The following VWA8 variants were observed in gnomAD, a reference collection of about 807,000 sequenced individuals.
VWA8 encodes von Willebrand factor A domain containing 8.
A neutral mutation model predicts 241.5 loss-of-function variants in VWA8; 221 were observed. The ratio of observed to expected loss-of-function variants is 0.91; its 90% CI spans 0.82 to 1.02. The LOEUF (loss-of-function observed/expected upper bound fraction) is 1.02. Ranked by LOEUF, VWA8 falls within the 50% of genes least tolerant of loss-of-function variation. VWA8 has a pLI of 0.00. For missense variants in VWA8, 2,322 were observed against 2,328.7 expected, an observed-to-expected ratio of 1.00 and a Z score of 0.06; for synonymous variants, 852 against 827.1, an observed-to-expected ratio of 1.03 and a Z score of -0.52.
At chr13:41,939,477 T>C (rs540426071) in intron 2 of VWA8, among the ~76,000 whole-genome samples, 1 of 151,684 alleles carries the variant, frequency 6.6e-6, no homozygotes, top group Admixed American at 6.6e-5. Context: ...AAGACCTAGA[T>C]CATAAAAAAA....
At chr13:41,701,870 A>C (rs1398415566) in intron 27 of VWA8, among the ~76,000 whole-genome samples, 1 of 152,236 alleles carries the variant, frequency 6.6e-6, no homozygotes, top group Non-Finnish European at 1.5e-5. Context: ...AGAGCTGTCC[A>C]AACCAGGAGA....
At chr13:41,944,187 C>T (rs144333943) in intron 2 of VWA8, among the ~76,000 whole-genome samples, 46 of 151,444 alleles carry the variant, frequency 3.0e-4, no homozygotes, top group Non-Finnish European at 5.9e-4. Flanking sequence ...AGAGTAAGGA[C>T]CTCTGAAAAT....
intron 40 of VWA8, among the ~76,000 whole-genome samples, chr13:41,592,714 T>C (rs1367913689): frequency 6.8e-6 from 1 of 146,032 alleles, no homozygotes; most frequent in Non-Finnish European, 1.5e-5. Flanking sequence ...TAAAAGCCCT[T>C]CTCTGTTAAT....
intron 4 of VWA8, among the ~76,000 whole-genome samples, chr13:41,898,233 T>A (rs1193932500): frequency 6.6e-6 from 1 of 150,580 alleles, no homozygotes; most frequent in Non-Finnish European, 1.5e-5. Flanking sequence ...AGATACAGAG[T>A]GTCGATTGGT....
At chr13:41,778,224 A>G (rs544040068) in intron 19 of VWA8, among the ~76,000 whole-genome samples, 168 bp from the exon 20 acceptor site, 1 of 152,250 alleles carries the variant, frequency 6.6e-6, no homozygotes, top group African/African-American at 2.4e-5. Context: ...AAATTATATA[A>G]CCATTTAGGT....
chr13:41,748,384 G>T (rs552953829), intron 21 of VWA8, among the ~76,000 whole-genome samples: 2 of 152,082 alleles, frequency 1.3e-5, no homozygotes, highest in Non-Finnish European at 2.9e-5. Context: ...GTTTATTTGC[G>T]TAGAGGTGTT....
chr13:41,800,631 AC>A (rs1353897210), intron 17 of VWA8, among the ~76,000 whole-genome samples: 4 of 48,174 alleles, frequency 8.3e-5, no homozygotes, highest in Admixed American at 3.2e-4. Context: ...TACTAAAAAT[AC>A]AAAAAAAAAA....
In VWA8 at chr13:41,925,284, AAAG is replaced by A. The variant is rs528082824; in HGVS notation, c.242-13119_242-13117del. 2.4e-4 allele frequency among the ~76,000 whole-genome samples: 36 copies of A among 152,358 alleles called. 2 individuals carry two copies. The East Asian group carries it at 6.0e-3, about 25-fold the overall frequency. ...TCAGGGAGTTCTTCAAGTGGAAATA[AAAG>A]AATGGTCATTAATATTATGAGTACA... On this transcript the variant is annotated intron_variant, in intron 2 of 44. Transcript: ENST00000379310.
chr13:41,804,786 GTGT>G (rs1449000404), intron 17 of VWA8, among the ~76,000 whole-genome samples: 2 of 152,136 alleles, frequency 1.3e-5, no homozygotes, highest in Non-Finnish European at 2.9e-5. Flanking sequence ...CAAAGTTAGA[GTGT>G]AGAGTTTTTA....
chr13:41,924,492 CAG>C (rs911642586), intron 2 of VWA8, among the ~76,000 whole-genome samples: 1 of 151,792 alleles, frequency 6.6e-6, no homozygotes, highest in Admixed American at 6.6e-5. Flanking sequence ...AAAAAGAAAA[CAG>C]AGTGAAAAAG....
chr13:41,611,717 G>C lies in VWA8; in HGVS notation c.4736C>G (p.Ala1579Gly). The C allele has an allele frequency of 6.2e-7, 1 of 1,613,950 alleles. No homozygotes were observed. Residue 1579 changes from alanine to glycine, a missense_variant, in exon 39 of 45, where the codon GCA becomes GGA. Ala to Gly is a moderately conservative substitution (Grantham distance 60). Transcript: ENST00000379310. ...WAGGTGGRDT[A>G]GLGGKGGPYR... is the part of the protein sequence containing the mutation. Reference sequence around the variant, plus strand: ...AGGGCCTCCTTTGCCACCCAGGCCTGCCGTGTCTCTTCCCCCTGGAAGGAA... The same window carrying C: ...AGGGCCTCCTTTGCCACCCAGGCCTCCCGTGTCTCTTCCCCCTGGAAGGAA...
chr13:41,582,254 C>CA (rs895862548), intron 42 of VWA8, among the ~76,000 whole-genome samples: 3 of 152,104 alleles, frequency 2.0e-5, no homozygotes, highest in African/African-American at 7.2e-5. Flanking sequence ...TAGCACAGGT[C>CA]ATGATAATGT....
chr13:41,706,189 G>A (rs549917944), intron 26 of VWA8, among the ~76,000 whole-genome samples: 10 of 152,088 alleles, frequency 6.6e-5, no homozygotes, highest in Non-Finnish European at 1.5e-4. Context: ...ACAATGCCAG[G>A]CATGTTCATA....
chr13:41,957,404 C>T (rs1283535936), intron 1 of VWA8, among the ~76,000 whole-genome samples: 1 of 152,170 alleles, frequency 6.6e-6, no homozygotes, highest in Non-Finnish European at 1.5e-5. Flanking sequence ...CATGAAACCT[C>T]TTTTTCTTCA....
intron 12 of VWA8, among the ~76,000 whole-genome samples, chr13:41,842,549 T>TA (rs1229804092): frequency 6.6e-6 from 1 of 152,214 alleles, no homozygotes; most frequent in African/African-American, 2.4e-5. Flanking sequence ...CTGCTTTAGT[T>TA]AAAGATTTAT....
chr13:41,895,980 A>G (rs1187918078), intron 4 of VWA8, among the ~76,000 whole-genome samples: 1 of 151,968 alleles, frequency 6.6e-6, no homozygotes, highest in Non-Finnish European at 1.5e-5. Context: ...TCCTTTAATA[A>G]TCCATTAGAC....
At chr13:41,882,144 G>A (rs1305932536) in intron 9 of VWA8, among the ~76,000 whole-genome samples, 1 of 151,292 alleles carries the variant, frequency 6.6e-6, no homozygotes, top group African/African-American at 2.4e-5. Flanking sequence ...GCCGGGTGGA[G>A]GTGCTCCTCA....
At chr13:41,767,052 G>T (rs111480051) in intron 20 of VWA8, among the ~76,000 whole-genome samples, 2,111 of 152,188 alleles carry the variant, frequency 0.014, 46 homozygotes, top group African/African-American at 0.048. Context: ...CAGCTTTCTT[G>T]CATGTTCTCT....
At chr13:41,603,298 T>C (rs2044533314) in intron 40 of VWA8, among the ~76,000 whole-genome samples, 1 of 152,152 alleles carries the variant, frequency 6.6e-6, no homozygotes, top group African/African-American at 2.4e-5. Context: ...CATTCCTTGA[T>C]GCTAACTCTA....
Sources: allele counts gnomAD v4.1 joint callset (sites outside exome capture counted in the v4.1 genomes callset), GRCh38; gene constraint gnomAD v4.1.1; transcripts MANE v1.5; gene names NCBI Gene and HGNC (gene_info 2026-07-23, HGNC 2026-07-21).